The following FAM120B variants were observed in gnomAD, a reference collection of about 807,000 sequenced individuals.
The protein encoded by FAM120B is constitutive coactivator of peroxisome proliferator-activated receptor gamma.
Under a neutral mutation model 96.3 loss-of-function variants are expected in FAM120B, and 83 were observed. The ratio of observed to expected loss-of-function variants is 0.86; its 90% CI spans 0.72 to 1.03. The LOEUF is 1.03. Among genes scored for constraint, FAM120B ranks in the 50% least tolerant of loss-of-function variants. The pLI, the probability that FAM120B is intolerant of heterozygous loss-of-function variation, is 0.00. For synonymous variants in FAM120B, 407 were observed against 402.7 expected, an observed-to-expected ratio of 1.01 and a Z score of -0.13; for missense variants, 1,027 against 1,121.2, an observed-to-expected ratio of 0.92 and a Z score of 1.20.
chr6:170,401,963 C>T (rs1440980333), intron 9 of FAM120B, among the ~76,000 whole-genome samples: 2 of 152,216 alleles, frequency 1.3e-5, no homozygotes, highest in African/African-American at 2.4e-5. Flanking sequence ...CAGGCCTCCC[C>T]AAGAGGCACT....
At chr6:170,306,588 T>A (rs1460620840), upstream of FAM120B, 3 of 152,150 alleles carry the variant, frequency 2.0e-5, no homozygotes, top group Admixed American at 2.0e-4. Context: ...GGCCGCGGCG[T>A]CCCACGCCGC....
chr6:170,380,579 G>T (rs1436181117), intron 6 of FAM120B, among the ~76,000 whole-genome samples: 1 of 152,220 alleles, frequency 6.6e-6, no homozygotes, highest in Non-Finnish European at 1.5e-5. Flanking sequence ...CCGTGGGTTT[G>T]ATTTGCTTCT....
intron 1 of FAM120B, among the ~76,000 whole-genome samples, chr6:170,297,538 C>G (rs1198361399): frequency 6.6e-6 from 1 of 152,226 alleles, no homozygotes; most frequent in African/African-American, 2.4e-5. Flanking sequence ...ATCCTTAAAT[C>G]GGCTCCCAAA....
intron 8 of FAM120B, among the ~76,000 whole-genome samples, chr6:170,393,059 C>T (rs1038540621): frequency 1.3e-5 from 2 of 149,928 alleles, no homozygotes; most frequent in Non-Finnish European, 2.9e-5. Flanking sequence ...CACCTGTAAT[C>T]TGAGCACTTT....
chr6:170,351,876 A>T (rs181515680), intron 5 of FAM120B, among the ~76,000 whole-genome samples: 1 of 152,352 alleles, frequency 6.6e-6, no homozygotes, highest in African/African-American at 2.4e-5. Context: ...AAGCAACCAC[A>T]TAAACAAGCC....
intron 6 of FAM120B, among the ~76,000 whole-genome samples, chr6:170,371,519 C>CT (rs1789187695): frequency 6.6e-6 from 1 of 152,062 alleles, no homozygotes; most frequent in Admixed American, 6.5e-5. Context: ...TGATATGTAC[C>CT]TTTTGCCATG....
chr6:170,378,582 C>T (rs1562584694), intron 6 of FAM120B, among the ~76,000 whole-genome samples: 1 of 152,216 alleles, frequency 6.6e-6, no homozygotes, highest in Non-Finnish European at 1.5e-5. Flanking sequence ...CAACCCTTGT[C>T]GGATCTGCAG....
Position 170,361,195 on chromosome 6 carries a change from CGTGTAT to C in FAM120B, c.2283+2878_2283+2883del, listed in dbSNP as rs1166973819. ...ATAGCCTTAAAACTATATATATATA[CGTGTAT>C]ATATATATATATATATATATATATA... On this transcript the variant is annotated intron_variant, in intron 6 of 10. Coordinates refer to ENST00000476287, the MANE Select transcript of FAM120B (RefSeq NM_032448.3). Among the ~76,000 whole-genome samples the C allele has an allele frequency of 1.6e-3, 42 of 26,824 alleles. No individual in the cohort carries two copies. In the East Asian group the frequency reaches 0.035, roughly 23 times the overall value. The allele number at this position is 26,824 out of a possible 152,430, so 17.6% of individuals were successfully genotyped here.
intron 1 of FAM120B, among the ~76,000 whole-genome samples, chr6:170,296,542 C>T (rs2114975396): frequency 6.6e-6 from 1 of 151,876 alleles, no homozygotes; most frequent in East Asian, 1.9e-4. Flanking sequence ...GTGCGGGACT[C>T]GTGCCCGCAT....
chr6:170,385,784 A>AATGGAT (rs1327604161), intron 6 of FAM120B, among the ~76,000 whole-genome samples: 1 of 152,208 alleles, frequency 6.6e-6, no homozygotes, highest in Non-Finnish European at 1.5e-5. Flanking sequence ...CAGACAGTGG[A>AATGGAT]ATGTTATTCA....
intron 4 of FAM120B, among the ~76,000 whole-genome samples, chr6:170,337,286 A>C (rs1023910529): frequency 6.6e-6 from 1 of 152,206 alleles, no homozygotes; most frequent in African/African-American, 2.4e-5. Context: ...ATCTATTGAG[A>C]TAAACGTGAT....
rs183314343 is a variant in FAM120B at position 170,312,385 on chromosome 6, C to T, written c.-21-4985C>T. 3.9e-5 allele frequency among the ~76,000 whole-genome samples: 6 copies of T among 152,160 alleles called. No individual in the cohort carries two copies. The East Asian group carries it at 9.6e-4, about 24-fold the overall frequency. On this transcript the variant is annotated intron_variant, in intron 1 of 10. Transcript: ENST00000476287. Reference sequence around the variant, plus strand: ...ATTTGTGATAATTTAAGAATTTTGACATATTGGGCTGATTTTACTAAACTT... The same window carrying T: ...ATTTGTGATAATTTAAGAATTTTGATATATTGGGCTGATTTTACTAAACTT...
chr6:170,355,446 C>T (rs910866097), intron 5 of FAM120B, among the ~76,000 whole-genome samples: 2 of 152,142 alleles, frequency 1.3e-5, no homozygotes, highest in African/African-American at 4.8e-5. Context: ...GGTCATTATC[C>T]TCAGCAAACA....
Position 170,298,031 on chromosome 6 carries a change from T to C in FAM120B, c.48+2578T>C, listed in dbSNP as rs892222003. 13 of 152,242 alleles carry C rather than the reference T, an allele frequency of 8.5e-5. 1 individual carries two copies. The highest frequency in any genetic ancestry group is 2.9e-5 in the Non-Finnish European group (2 of 68,042). The allele number at this position is 152,242 out of a possible 1,614,324, so 9.4% of individuals were successfully genotyped here. On this transcript the variant is annotated intron_variant, in intron 1 of 10. Coordinates refer to the FAM120B transcript ENST00000537664. Reference sequence around the variant, plus strand: ...CTCTTTTATCTTAGCATCCCTTATTTTATTTTGATTTGTTTTCGGCCACAA... The same window carrying C: ...CTCTTTTATCTTAGCATCCCTTATTCTATTTTGATTTGTTTTCGGCCACAA...
chr6:170,311,157 T>C (rs1380014183), intron 1 of FAM120B, among the ~76,000 whole-genome samples: 2 of 152,238 alleles, frequency 1.3e-5, no homozygotes, highest in African/African-American at 2.4e-5. Context: ...TCCAGTCTTG[T>C]CTGCCTCCAC....
intron 7 of FAM120B, 123 bp from the exon 8 acceptor site, chr6:170,390,890 C>A (rs1790444915): frequency 4.0e-6 from 3 of 746,568 alleles, no homozygotes; most frequent in Non-Finnish European, 7.2e-6. Flanking sequence ...GTGCAGCCAC[C>A]ATTGCTGCCT....
chr6:170,395,394 G>A, intron 8 of FAM120B, 93 bp from the exon 9 acceptor site: 1 of 981,864 alleles, frequency 1.0e-6, no homozygotes, highest in East Asian at 2.6e-5. Flanking sequence ...GGATACTGCT[G>A]ACCTGGTGCT....
At position 170,295,575 on chromosome 6, in the gene FAM120B, C is replaced by G. The variant is rs1054234824; in HGVS notation, c.48+122C>G. 2.3e-5 allele frequency: 13 copies of G among 562,154 alleles called. No individual in the cohort carries two copies. In the African/African-American group the frequency reaches 2.6e-4, roughly 11 times the overall value. The allele number at this position is 562,154 out of a possible 1,614,324, so 34.8% of individuals were successfully genotyped here. A position where few individuals can be genotyped will look rare whatever the true frequency, so the allele number is the denominator to read the frequency against. On this transcript the variant is annotated intron_variant, in intron 1 of 10. Transcript: ENST00000537664. This position sits in a 1 kb window ranked among gnomAD's most constrained non-coding sequence, Gnocchi z 7.8. The stretch of plus-strand genomic sequence containing the variant: ...GCGAAGGTGGGCGACGGTGGGGGCA[C>G]AAGAACAGCAGCCGGGGGCGAAGGA...
rs1020763670 is a variant in FAM120B, at chr6:170,355,946, C to T, written c.2191-2280C>T. On this transcript the variant is annotated intron_variant, in intron 5 of 10. Transcript: ENST00000476287. ...TTGTTCTTGATACTATGTGTGTGCACAACAATGGGAAGGCCATTGTCAGCC... is the reference window on the plus strand; with the variant it reads ...TTGTTCTTGATACTATGTGTGTGCATAACAATGGGAAGGCCATTGTCAGCC... 7.9e-5 allele frequency among the ~76,000 whole-genome samples: 12 copies of T among 152,254 alleles called. No individual in the cohort carries two copies. The East Asian group carries it at 2.3e-3, about 29-fold the overall frequency.
Sources: allele counts gnomAD v4.1 joint callset (sites outside exome capture counted in the v4.1 genomes callset), GRCh38; gene constraint gnomAD v4.1.1; non-coding constraint Gnocchi (gnomAD v3.1); transcripts MANE v1.5; gene names NCBI Gene and HGNC (gene_info 2026-07-23, HGNC 2026-07-21).